Variants in ZSCAN25 observed in about 807,000 individuals in gnomAD.
The protein encoded by ZSCAN25 is zinc finger and SCAN domain containing 25.
In ZSCAN25, 27 loss-of-function variants were observed where a neutral mutation model predicts 38.7. That is an observed-to-expected ratio of 0.70 (90% CI 0.51 to 0.96). The LOEUF is 0.96. ZSCAN25 is among the 40% of genes least tolerant of loss of function. The pLI is 0.00. For synonymous variants in ZSCAN25, 273 were observed against 277.7 expected, an observed-to-expected ratio of 0.98 and a Z score of 0.17; for missense variants, 637 against 705.9, an observed-to-expected ratio of 0.90 and a Z score of 1.11.
At chr7:99,709,035 C>A in the ZSCAN25 span, 1 of 1,613,918 alleles carries the variant, frequency 6.2e-7, no homozygotes, top group Non-Finnish European at 8.5e-7. Context: ...GGCCTCCTAC[C>A]TTTCAGGGAG....
At chr7:99,728,413 A>G in the ZSCAN25 span, among the ~76,000 whole-genome samples, 1 of 152,076 alleles carries the variant, frequency 6.6e-6, no homozygotes, top group Admixed American at 6.6e-5. Context: ...TGTAGACACT[A>G]TGCTCTTTCT....
At chr7:99,647,025 CTT>C in the ZSCAN25 span, among the ~76,000 whole-genome samples, 1 of 152,180 alleles carries the variant, frequency 6.6e-6, no homozygotes, top group African/African-American at 2.4e-5. Context: ...ATCTATGACT[CTT>C]TTCTGCAAAA....
chr7:99,709,915 C>T, the ZSCAN25 span, among the ~76,000 whole-genome samples: 1 of 152,028 alleles, frequency 6.6e-6, no homozygotes, highest in African/African-American at 2.4e-5. Flanking sequence ...CCCTTTCTAT[C>T]CCAAATATGA....
At chr7:99,733,999 T>C in the ZSCAN25 span, among the ~76,000 whole-genome samples, 6 of 152,230 alleles carry the variant, frequency 3.9e-5, no homozygotes, top group East Asian at 1.2e-3. Context: ...CTTATACACA[T>C]TTATTGTCAC....
intron 3 of ZSCAN25, 68 bp from the exon 4 acceptor site, chr7:99,619,493 G>T: frequency 3.2e-6 from 4 of 1,246,710 alleles, no homozygotes; most frequent in South Asian, 1.5e-5. Context: ...TTCTCCAGTG[G>T]AATATTCCTT....
At chr7:99,638,174 G>T in the ZSCAN25 span, 1 of 1,335,696 alleles carries the variant, frequency 7.5e-7, no homozygotes, top group Non-Finnish European at 1.0e-6. Flanking sequence ...AGAGGAGATG[G>T]TGGCGATAAT....
At position 99,632,290 on chromosome 7, in the gene ZSCAN25, T is replaced by G. The variant is rs1193262237; in HGVS notation, c.*2270T>G. ...TCTATTCAAATGTTAAGAAATATTT[T>G]GTTTTCTGTATTTTTCTATTCTTTA... On this transcript the variant is annotated 3_prime_UTR_variant, in exon 8 of 8. Coordinates refer to ENST00000394152, the MANE Select transcript of ZSCAN25 (RefSeq NM_145115.3). 1.0e-6 allele frequency: 1 copy of G among 970,792 alleles called. No homozygotes were observed. Among genetic ancestry groups the G allele is most frequent in the African/African-American group, 1.8e-5 (1 of 56,964 alleles). The allele number at this position is 970,792 out of a possible 1,614,324, so 60.1% of individuals were successfully genotyped here. A position where few individuals can be genotyped will look rare whatever the true frequency, so the allele number is the denominator to read the frequency against.
chr7:99,717,326 A>T, the ZSCAN25 span: 6 of 1,612,870 alleles, frequency 3.7e-6, no homozygotes, highest in African/African-American at 8.0e-5. Flanking sequence ...CCAGAAGGAC[A>T]TGACTTTGCC....
chr7:99,650,452 T>C, the ZSCAN25 span, among the ~76,000 whole-genome samples: 1 of 152,216 alleles, frequency 6.6e-6, no homozygotes, highest in Admixed American at 6.5e-5. Context: ...GGAGCGTTTC[T>C]TGAGATGAGA....
At chr7:99,696,790 G>A in the ZSCAN25 span, among the ~76,000 whole-genome samples, 1 of 152,184 alleles carries the variant, frequency 6.6e-6, no homozygotes, top group African/African-American at 2.4e-5. Context: ...GGGGCCTGAT[G>A]GAAGGCGATT....
rs1166964687 is a variant in ZSCAN25 at position 99,630,679 on chromosome 7, CTG to C, written c.*664_*665del. 32 of 985,476 alleles carry C rather than the reference CTG, an allele frequency of 3.2e-5. No homozygotes were observed. Among genetic ancestry groups the C allele is most frequent in the Non-Finnish European group, 3.7e-5 (31 of 830,062 alleles). 61.0% of individuals were successfully genotyped at this position (985,476 alleles called of 1,614,324 possible). A position where few individuals can be genotyped will look rare whatever the true frequency, so the allele number is the denominator to read the frequency against. ...CCAGCTGGGATCTGCTCCCAGGCAACTGTGTGAATTTTACATTATTTGGAGCC... is the reference window on the plus strand; with the variant it reads ...CCAGCTGGGATCTGCTCCCAGGCAACTGTGAATTTTACATTATTTGGAGCC... On this transcript the variant is annotated 3_prime_UTR_variant, in exon 8 of 8. Transcript: ENST00000394152.
At chr7:99,715,932 T>C in the ZSCAN25 span, 1 of 1,613,084 alleles carries the variant, frequency 6.2e-7, no homozygotes, top group Non-Finnish European at 8.5e-7. Flanking sequence ...TGTGGAAAAT[T>C]AAAATCAGCA....
the ZSCAN25 span, among the ~76,000 whole-genome samples, chr7:99,729,866 A>C: frequency 2.1e-4 from 32 of 152,284 alleles, no homozygotes; most frequent in Admixed American, 1.8e-3. Flanking sequence ...CCTGCACCCA[A>C]GTGATTAAAA....
the ZSCAN25 span, chr7:99,672,680 C>G: frequency 6.2e-7 from 1 of 1,613,942 alleles, no homozygotes; most frequent in East Asian, 2.2e-5. Flanking sequence ...TTCATACGTT[C>G]TGTGTGGGGA....
chr7:99,632,168 C>T lies in ZSCAN25; in HGVS notation c.*2148C>T. 3 of 985,426 alleles carry T rather than the reference C, an allele frequency of 3.0e-6. No homozygotes were observed. The highest frequency in any genetic ancestry group is 3.6e-6 in the Non-Finnish European group (3 of 829,938). The allele number at this position is 985,426 out of a possible 1,614,324, so 61.0% of individuals were successfully genotyped here. A position where few individuals can be genotyped will look rare whatever the true frequency, so the allele number is the denominator to read the frequency against. ...CTGACTTTCCTATCTGGCCTCTTCCCTATCTCCTGTGGGGCCAAGAGCTTA... is the reference window on the plus strand; with the variant it reads ...CTGACTTTCCTATCTGGCCTCTTCCTTATCTCCTGTGGGGCCAAGAGCTTA... On this transcript the variant is annotated 3_prime_UTR_variant, in exon 8 of 8. Transcript: ENST00000394152.
At chr7:99,675,312 A>G in the ZSCAN25 span, among the ~76,000 whole-genome samples, 1 of 152,218 alleles carries the variant, frequency 6.6e-6, no homozygotes, top group African/African-American at 2.4e-5. Flanking sequence ...ACCATGCAAA[A>G]GAAGGTCCCA....
At chr7:99,718,992 C>G in the ZSCAN25 span, among the ~76,000 whole-genome samples, 2 of 152,080 alleles carry the variant, frequency 1.3e-5, no homozygotes, top group Non-Finnish European at 2.9e-5. Context: ...TTGCTAAAAG[C>G]AATCAGAGAA....
At chr7:99,711,521 C>A in the ZSCAN25 span, among the ~76,000 whole-genome samples, 1 of 152,198 alleles carries the variant, frequency 6.6e-6, no homozygotes, top group South Asian at 2.1e-4. Context: ...GTAATCCCAT[C>A]ACTTTGGGAG....
chr7:99,675,926 G>C, the ZSCAN25 span, among the ~76,000 whole-genome samples: 1 of 151,102 alleles, frequency 6.6e-6, no homozygotes, highest in African/African-American at 2.4e-5. Flanking sequence ...AAACTCCTGG[G>C]CTCAAGCAAT....
Sources: gnomAD v4.1 joint callset for allele counts (sites outside exome capture counted in the v4.1 genomes callset) on GRCh38, gnomAD v4.1.1 for gene constraint, MANE v1.5 for transcripts, NCBI Gene and HGNC (gene_info 2026-07-23, HGNC 2026-07-21) for gene names.